Variants in SMAD7 observed in about 807,000 individuals in gnomAD.
SMAD7 encodes the protein MAD (mothers against decapentaplegic, Drosophila) homolog 7.
Under a neutral mutation model 38.7 loss-of-function variants are expected in SMAD7, and 8 were observed. That is an observed-to-expected ratio of 0.21 (90% CI 0.12 to 0.37). The LOEUF is 0.37. Among genes scored for constraint, SMAD7 ranks in the 10% least tolerant of loss-of-function variants. SMAD7 has a pLI of 1.00. For missense variants in SMAD7, 477 were observed against 577.9 expected, an observed-to-expected ratio of 0.83 and a Z score of 1.79; for synonymous variants, 327 against 265.1, an observed-to-expected ratio of 1.23 and a Z score of -2.27.
intron 3 of SMAD7, 137 bp from the exon 4 acceptor site, chr18:48,922,047 T>A: frequency 1.4e-6 from 1 of 702,006 alleles, no homozygotes; most frequent in Non-Finnish European, 2.3e-6. Flanking sequence ...GCGGTGAGGC[T>A]AGTCCTGGAC....
At chr18:48,947,815 T>G (rs1266739696) in intron 2 of SMAD7, among the ~76,000 whole-genome samples, 2 of 152,066 alleles carry the variant, frequency 1.3e-5, no homozygotes, top group Non-Finnish European at 2.9e-5. Context: ...GCTTCAAACT[T>G]TGATAGTCCC....
At position 48,921,254 on chromosome 18, in the gene SMAD7, A is replaced by C. The variant is rs2069854858; in HGVS notation, c.*118T>G. 1.3e-6 allele frequency: 1 copy of C among 754,988 alleles called. No homozygotes were observed. Among genetic ancestry groups the C allele is most frequent in the Admixed American group, 3.2e-5 (1 of 31,640 alleles). The allele number at this position is 754,988 out of a possible 1,614,324, so 46.8% of individuals were successfully genotyped here. A position where few individuals can be genotyped will look rare whatever the true frequency, so the allele number is the denominator to read the frequency against. On this transcript the variant is annotated 3_prime_UTR_variant, in exon 4 of 4. Transcript: ENST00000262158. This position sits in a 1 kb window ranked among gnomAD's most constrained non-coding sequence, Gnocchi z 6.4. ...AGAAGAAGAAAACCAACCAACAAAC[A>C]AAAAAAAAACGACCAAAGAGTTTGC... is the stretch of plus-strand genomic sequence containing the variant.
At chr18:48,923,745 A>G (rs73435445) in intron 3 of SMAD7, among the ~76,000 whole-genome samples, 2,093 of 151,982 alleles carry the variant, frequency 0.014, 46 homozygotes, top group African/African-American at 0.046. Flanking sequence ...ACCACCCCCC[A>G]TGTAGCTTGG....
At chr18:48,942,272 C>T (rs185060902) in intron 3 of SMAD7, among the ~76,000 whole-genome samples, 7 of 152,304 alleles carry the variant, frequency 4.6e-5, no homozygotes, top group Admixed American at 3.3e-4. Context: ...GTCCACGGAA[C>T]GGATCCAGTG....
intron 2 of SMAD7, among the ~76,000 whole-genome samples, chr18:48,946,436 G>GGGGGC (rs908128683): frequency 1.3e-5 from 2 of 152,164 alleles, no homozygotes; most frequent in Non-Finnish European, 2.9e-5. Flanking sequence ...GGGGCGGGGG[G>GGGGGC]GGTGTGCTCC....
intron 2 of SMAD7, among the ~76,000 whole-genome samples, chr18:48,947,808 T>C (rs12967019): frequency 0.46 from 69,199 of 151,440 alleles, 15,946 homozygotes; most frequent in Non-Finnish European, 0.49. Flanking sequence ...GAGCTATGCT[T>C]CAAACTTTGA....
In SMAD7 at chr18:48,927,008, G is replaced by A. The variant is rs527901986; in HGVS notation, c.743-5098C>T. On this transcript the variant is annotated intron_variant, in intron 3 of 3. Coordinates refer to ENST00000262158, the MANE Select transcript of SMAD7 (RefSeq NM_005904.4). ...GCGAATCCCTCCCCCAAATAGAGAC[G>A]CGTAAAACTTGCTGAGATATCTGGG... Among the ~76,000 whole-genome samples, 9 of 152,276 alleles carry A rather than the reference G, an allele frequency of 5.9e-5. 1 individual carries two copies. The highest frequency in any genetic ancestry group is 2.6e-4 in the Admixed American group (4 of 15,292).
Position 48,948,429 on chromosome 18 carries a change from G to A in SMAD7, c.622C>T (p.Pro208Ser), listed in dbSNP as rs113899618. Residue 208 changes from proline to serine, a missense_variant, in exon 2 of 4, where the codon CCC (proline) becomes TCC (serine). Pro to Ser is a moderately conservative substitution (Grantham distance 74). Around this residue, in one of 2 missense-constraint regions of SMAD7, gnomAD observed 376 missense variants for 379.4 expected, o/e 0.99. Coordinates refer to ENST00000262158, the MANE Select transcript of SMAD7 (RefSeq NM_005904.4). Reference protein sequence around the residue: ...LSRLCELESPPPPYSRYPMDF... With the variant: ...LSRLCELESPSPPYSRYPMDF... ...ATCGGGTATCTGGAGTAAGGAGGGGGGGGAGACTCTGAAATTAAAAAAGCA... is the reference window on the plus strand; with the variant it reads ...ATCGGGTATCTGGAGTAAGGAGGGGAGGGAGACTCTGAAATTAAAAAAGCA... 2 of 1,594,768 alleles carry A rather than the reference G, an allele frequency of 1.3e-6. No individual in the cohort carries two copies. The highest frequency in any genetic ancestry group is 1.7e-6 in the Non-Finnish European group (2 of 1,172,388).
At chr18:48,933,305 G>C (rs1355892517) in intron 3 of SMAD7, among the ~76,000 whole-genome samples, 1 of 152,054 alleles carries the variant, frequency 6.6e-6, no homozygotes, top group Admixed American at 6.5e-5. Context: ...TCCTACAGAA[G>C]CTGCCCCTGC....
Position 48,921,405 on chromosome 18 carries a change from C to G in SMAD7, c.1248G>C (p.Pro416=), listed in dbSNP as rs143029140. The G allele has an allele frequency of 4.7e-4, 757 of 1,613,848 alleles. No homozygotes were observed. Among genetic ancestry groups the G allele is most frequent in the Non-Finnish European group, 5.6e-4 (665 of 1,179,776 alleles). The change falls in exon 4 of 4, where the codon CCG becomes CCC. Residue 416 remains proline, a synonymous_variant. Coordinates refer to ENST00000262158, the MANE Select transcript of SMAD7 (RefSeq NM_005904.4). The surrounding 1 kb of genome is among the most constrained non-coding windows in gnomAD (Gnocchi z 6.4). ...CYTRQFISSC[P]CWLEVIFNSR Reference sequence around the variant, plus strand: ...TGTTGAAGATGACCTCTAGCCAGCACGGGCAGCTGCTGATGAACTGGCGGG... The same window carrying G: ...TGTTGAAGATGACCTCTAGCCAGCAGGGGCAGCTGCTGATGAACTGGCGGG...
At chr18:48,949,727 G>A (rs2070238883) in intron 1 of SMAD7, 85 bp downstream of exon 1, 3 of 1,420,494 alleles carry the variant, frequency 2.1e-6, no homozygotes, top group South Asian at 1.4e-5. Context: ...CTGGAGGGAT[G>A]GCTGCACAAA....
At chr18:48,948,184 T>C (rs984559992) in intron 2 of SMAD7, among the ~76,000 whole-genome samples, 200 bp downstream of exon 2, 3 of 152,120 alleles carry the variant, frequency 2.0e-5, no homozygotes, top group Non-Finnish European at 1.5e-5. Context: ...ATGTAAAGCA[T>C]ATCAAGGGAA....
At chr18:48,927,025 A>G (rs1284418259) in intron 3 of SMAD7, among the ~76,000 whole-genome samples, 3 of 152,170 alleles carry the variant, frequency 2.0e-5, no homozygotes, top group African/African-American at 7.2e-5. Context: ...ACTTGCTGAG[A>G]TATCTGGGCT....
chr18:48,927,039 T>C (rs891517991), intron 3 of SMAD7, among the ~76,000 whole-genome samples: 2 of 152,168 alleles, frequency 1.3e-5, no homozygotes, highest in African/African-American at 4.8e-5. Context: ...CTGGGCTAAC[T>C]TTAAGGGGCT....
intron 3 of SMAD7, among the ~76,000 whole-genome samples, chr18:48,941,031 G>T (rs2143805112): frequency 6.6e-6 from 1 of 152,174 alleles, no homozygotes; most frequent in Admixed American, 6.5e-5. Context: ...GAGGGGCCGG[G>T]GCTCCTCCCT....
chr18:48,946,364 G>A (rs1740472418), intron 2 of SMAD7, among the ~76,000 whole-genome samples: 1 of 151,674 alleles, frequency 6.6e-6, no homozygotes, highest in Non-Finnish European at 1.5e-5. Context: ...GCGCCCATCT[G>A]TGGTCTGACC....
intron 3 of SMAD7, among the ~76,000 whole-genome samples, chr18:48,922,985 C>T (rs922787239): frequency 1.2e-4 from 18 of 152,200 alleles, no homozygotes; most frequent in East Asian, 3.9e-4. Context: ...GCCCCGGCGG[C>T]GGGCATTCTG....
At chr18:48,927,482 C>T (rs978288638) in intron 3 of SMAD7, among the ~76,000 whole-genome samples, 12 of 152,278 alleles carry the variant, frequency 7.9e-5, no homozygotes, top group African/African-American at 2.9e-4. Context: ...GCAGAACCCC[C>T]GCCCCTGTGC....
At chr18:48,945,286 C>A (rs1235805210) in intron 2 of SMAD7, among the ~76,000 whole-genome samples, 1 of 152,144 alleles carries the variant, frequency 6.6e-6, no homozygotes, top group Non-Finnish European at 1.5e-5. Context: ...CTCGGTGAAA[C>A]CCCGTCTCTA....
Sources: gnomAD v4.1 joint callset for allele counts (sites outside exome capture counted in the v4.1 genomes callset) on GRCh38, gnomAD v4.1.1 for gene constraint, gnomAD v4.1.1 regional missense constraint, Gnocchi (gnomAD v3.1) non-coding constraint, MANE v1.5 for transcripts, NCBI Gene and HGNC (gene_info 2026-07-23, HGNC 2026-07-21) for gene names.